Variants in KANK1 observed in about 807,000 individuals in gnomAD.
KANK1 encodes the protein KN motif and ankyrin repeat domain-containing protein 1.
In KANK1, 109 loss-of-function variants were observed where a neutral mutation model predicts 106.2. The observed-to-expected ratio is 1.03, with a 90% CI of 0.88 to 1.20. KANK1 has a LOEUF of 1.20. KANK1 is among the 50% of genes most tolerant of loss of function. The pLI, the probability that KANK1 is intolerant of heterozygous loss-of-function variation, is 0.00. For synonymous variants in KANK1, 873 were observed against 652.2 expected (o/e 1.34, Z -5.16); for missense variants, 2,399 against 1,710.7 (o/e 1.40, Z -7.10).
At chr9:644,073 G>C (rs764704575) in intron 1 of KANK1, among the ~76,000 whole-genome samples, 1 of 150,880 alleles carries the variant, frequency 6.6e-6, no homozygotes, top group African/African-American at 2.5e-5. Context: ...AGCATGATTT[G>C]TTCTTACCAA....
chr9:570,626 G>C (rs183920965), intron 1 of KANK1, among the ~76,000 whole-genome samples: 12 of 152,318 alleles, frequency 7.9e-5, no homozygotes, highest in Admixed American at 7.8e-4. Flanking sequence ...CTGAGCATTG[G>C]AGACTTATTC....
intron 1 of KANK1, among the ~76,000 whole-genome samples, chr9:631,831 A>G (rs1420313832): frequency 6.6e-6 from 1 of 152,098 alleles, no homozygotes; most frequent in African/African-American, 2.4e-5. Flanking sequence ...TTTGGGGCCA[A>G]TTTAGTCATC....
At chr9:484,603 AAC>A (rs1375910917) in intron 3 of KANK1, 1 of 152,260 alleles carries the variant, frequency 6.6e-6, no homozygotes, top group African/African-American at 2.4e-5. Context: ...AGCATTGACA[AAC>A]AAGTTTGAGA....
chr9:579,602 G>A (rs76792228), intron 1 of KANK1, among the ~76,000 whole-genome samples: 200 of 152,232 alleles, frequency 1.3e-3, no homozygotes, highest in Non-Finnish European at 2.2e-3. Flanking sequence ...CATCTTCTCA[G>A]CATAGGTCTC....
intron 3 of KANK1, 69 bp downstream of exon 3, chr9:713,533 T>G: frequency 6.7e-7 from 1 of 1,486,914 alleles, no homozygotes; most frequent in South Asian, 1.4e-5. Flanking sequence ...AAGCTAAGGA[T>G]TATTTTTTAA....
chr9:542,613 G>A lies in KANK1; in HGVS notation c.-84+37859G>A, dbSNP rs143415943. Among the ~76,000 whole-genome samples the A allele has an allele frequency of 4.8e-4, 73 of 152,204 alleles. 1 individual carries two copies. In the East Asian group the frequency reaches 0.01, roughly 21 times the overall value. ...AGATACCTGTACTTCTGTGTCCCTC[G>A]CAGCATGATTCACAATAGTCAAGTT... On this transcript the variant is annotated intron_variant, in intron 1 of 11. Transcript: ENST00000382297.
At chr9:699,088 TCCACACATCCCCA>T (rs1427433017) in intron 2 of KANK1, among the ~76,000 whole-genome samples, 1 of 152,166 alleles carries the variant, frequency 6.6e-6, no homozygotes, top group African/African-American at 2.4e-5. Context: ...CTGCCATCCC[TCCACACATCCCCA>T]CCACACTGCC....
chr9:721,875 C>T (rs779156738), intron 3 of KANK1, among the ~76,000 whole-genome samples: 3 of 152,246 alleles, frequency 2.0e-5, no homozygotes, highest in Admixed American at 2.0e-4. Flanking sequence ...GGTTTCACTC[C>T]TCTTACCTTG....
At chr9:563,690 A>T (rs1399701965) in intron 1 of KANK1, among the ~76,000 whole-genome samples, 2 of 152,162 alleles carry the variant, frequency 1.3e-5, no homozygotes, top group African/African-American at 4.8e-5. Context: ...AATTGTAGTT[A>T]TGCGTGCTTT....
chr9:532,993 G>C (rs922461052), intron 1 of KANK1, among the ~76,000 whole-genome samples: 2 of 152,170 alleles, frequency 1.3e-5, no homozygotes, highest in Admixed American at 6.5e-5. Flanking sequence ...GCACCATGTT[G>C]CTGGTCGGAA....
At chr9:727,565 C>G (rs1007635589) in intron 3 of KANK1, among the ~76,000 whole-genome samples, 1 of 152,090 alleles carries the variant, frequency 6.6e-6, no homozygotes, top group Admixed American at 6.5e-5. Flanking sequence ...ATCTACCTGC[C>G]TCAGCCTCCC....
At chr9:483,864 A>G (rs2058248036) in intron 3 of KANK1, among the ~76,000 whole-genome samples, 1 of 152,180 alleles carries the variant, frequency 6.6e-6, no homozygotes, top group African/African-American at 2.4e-5. Context: ...TACAGATGTG[A>G]AGTAACTGGG....
intron 1 of KANK1, among the ~76,000 whole-genome samples, chr9:607,484 C>CAAAA (rs760884670): frequency 8.2e-5 from 5 of 61,184 alleles, no homozygotes; most frequent in African/African-American, 1.7e-4. Flanking sequence ...GACTCCATCT[C>CAAAA]AAAAAAAAAA....
At chr9:539,216 T>C (rs1471212246) in intron 1 of KANK1, among the ~76,000 whole-genome samples, 2 of 152,226 alleles carry the variant, frequency 1.3e-5, no homozygotes, top group African/African-American at 4.8e-5. Flanking sequence ...ATGCATGTTT[T>C]TGCTCAAGAA....
chr9:719,875 C>G (rs1000069709), intron 3 of KANK1, among the ~76,000 whole-genome samples: 5 of 152,170 alleles, frequency 3.3e-5, no homozygotes, highest in Admixed American at 3.3e-4. Context: ...CTCCCACCTT[C>G]CAGCTCTAGT....
At chr9:511,387 T>C (rs943750432) in intron 1 of KANK1, among the ~76,000 whole-genome samples, 1 of 152,208 alleles carries the variant, frequency 6.6e-6, no homozygotes, top group Non-Finnish European at 1.5e-5. Context: ...GGAAATATTG[T>C]AGGTGTAGGC....
chr9:659,106 C>G (rs9407336), intron 1 of KANK1, among the ~76,000 whole-genome samples: 61,567 of 152,070 alleles, frequency 0.4, 12,654 homozygotes, highest in East Asian at 0.55. Context: ...AAGGCAAGAA[C>G]TGAGTTTATT....
upstream of KANK1, among the ~76,000 whole-genome samples, chr9:502,553 G>A (rs1409529475): frequency 2.3e-5 from 3 of 130,184 alleles, no homozygotes; most frequent in Admixed American, 7.1e-5. Flanking sequence ...TCTTAGAGTC[G>A]TGCTCTGTCG....
intron 2 of KANK1, chr9:684,602 T>C: frequency 2.0e-6 from 2 of 984,838 alleles, no homozygotes; most frequent in Non-Finnish European, 2.4e-6. Context: ...TTTCTGATTA[T>C]GCACTTCCCC....
Sources: gnomAD v4.1 joint callset for allele counts (sites outside exome capture counted in the v4.1 genomes callset) on GRCh38, gnomAD v4.1.1 for gene constraint, MANE v1.5 for transcripts, NCBI Gene and HGNC (gene_info 2026-07-23, HGNC 2026-07-21) for gene names.